ZNF44: variants seen among roughly 807,000 people sequenced by gnomAD.
ZNF44 encodes zinc finger protein 44.
In ZNF44, 9 loss-of-function variants were observed where a neutral mutation model predicts 11.7. That is an observed-to-expected ratio of 0.77 (90% confidence interval 0.46 to 1.35). The LOEUF is 1.35. Among genes scored for constraint, ZNF44 ranks in the 40% most tolerant of loss-of-function variants. The probability of loss-of-function intolerance (pLI) is 0.00; values close to 1 mark genes in which losing one functional copy is unlikely to be tolerated. For missense variants in ZNF44, 696 were observed against 743.1 expected, an observed-to-expected ratio of 0.94 and a Z score of 0.74; for synonymous variants, 224 against 242.7, an observed-to-expected ratio of 0.92 and a Z score of 0.72.
At position 12,273,345 on chromosome 19, in the gene ZNF44, T is replaced by C. The variant is rs781227500; in HGVS notation, c.910A>G (p.Thr304Ala). The C allele has an allele frequency of 6.2e-7, 1 of 1,613,684 alleles. No individual in the cohort carries two copies. The highest frequency in any genetic ancestry group is 8.5e-7 in the Non-Finnish European group (1 of 1,179,898). ...GSLRVHERIH[T>A]GEKPYTCKQC... Reference sequence around the variant, plus strand: ...TTACATGTATAGGGTTTCTCTCCAGTGTGAATTCTTTCATGTACTCGAAGG... The same window carrying C: ...TTACATGTATAGGGTTTCTCTCCAGCGTGAATTCTTTCATGTACTCGAAGG... The change falls in exon 4 of 4, where the codon ACT becomes GCT. Residue 304 changes from threonine to alanine, a missense_variant. Coordinates refer to ENST00000355684, the MANE Select transcript of ZNF44 (RefSeq NM_016264.4).
Position 12,247,670 on chromosome 19 carries a change from T to TTTC in ZNF44, c.*1192_*1194dup, listed in dbSNP as rs765227787. ...GGGCAGAACTGCAACAATAAAAGGCTTTCCCACATTCCTTACATTTGTAGG... is the reference window on the plus strand; with the variant it reads ...GGGCAGAACTGCAACAATAAAAGGCTTTCTTCCCACATTCCTTACATTTGTAGG... On this transcript the variant is annotated 3_prime_UTR_variant and NMD_transcript_variant, in exon 8 of 8. Transcript: ENST00000393337. 1.3e-5 allele frequency: 18 copies of TTTC among 1,352,916 alleles called. No homozygotes were observed. The South Asian group carries it at 2.0e-4, about 15-fold the overall frequency. The allele number at this position is 1,352,916 out of a possible 1,614,324, so 83.8% of individuals were successfully genotyped here. A position where few individuals can be genotyped will look rare whatever the true frequency, so the allele number is the denominator to read the frequency against.
At chr19:12,255,289 G>T (rs1379091580) in intron 5 of ZNF44, among the ~76,000 whole-genome samples, 2 of 151,468 alleles carry the variant, frequency 1.3e-5, no homozygotes, top group Admixed American at 6.6e-5. Flanking sequence ...CAAAAGAAAA[G>T]AAATTTTTTC....
At chr19:12,246,903 A>G (rs1249126946), downstream of ZNF44, among the ~76,000 whole-genome samples, 1 of 151,854 alleles carries the variant, frequency 6.6e-6, no homozygotes, top group Admixed American at 6.6e-5. Context: ...GTGGTGGCTC[A>G]TACCTATAAT....
chr19:12,290,654 C>T (rs552235927), intron 1 of ZNF44, among the ~76,000 whole-genome samples: 1 of 151,460 alleles, frequency 6.6e-6, no homozygotes, highest in East Asian at 1.9e-4. Context: ...GAGCTGAGAT[C>T]ACAGCATTTC....
chr19:12,250,233 C>T, intron 6 of ZNF44: 1 of 1,355,860 alleles, frequency 7.4e-7, no homozygotes, highest in African/African-American at 1.5e-5. Flanking sequence ...GGAATGATTT[C>T]ATTTTTACCT....
upstream of ZNF44, among the ~76,000 whole-genome samples, chr19:12,238,563 G>A (rs35948583): frequency 6.6e-6 from 1 of 150,532 alleles, no homozygotes; most frequent in African/African-American, 2.5e-5. Context: ...GGGAGACAGA[G>A]GTTGCAGTGA....
chr19:12,275,970 T>C lies in ZNF44; in HGVS notation c.116A>G (p.Asn39Ser), dbSNP rs754378707. The change falls in exon 2 of 4, where the codon AAC becomes AGC. Residue 39 changes from asparagine to serine, a missense_variant. Asn to Ser is a conservative substitution (Grantham distance 46, BLOSUM62 1). Transcript: ENST00000355684. Reference sequence around the variant, plus strand: ...GTCATCCATACCTATACAGTTCAGGTTCCTAATGGTTTCTCGCATCACATC... The same window carrying C: ...GTCATCCATACCTATACAGTTCAGGCTCCTAATGGTTTCTCGCATCACATC... Reference protein sequence around the residue: ...YRDVMRETIRNLNCIGMKWEN... With the variant: ...YRDVMRETIRSLNCIGMKWEN... 8 of 1,605,170 alleles carry C rather than the reference T, an allele frequency of 5.0e-6. No homozygotes were observed. The South Asian group carries it at 8.8e-5, about 18-fold the overall frequency.
intron 3 of ZNF44, among the ~76,000 whole-genome samples, chr19:12,227,282 C>T (rs1915959853): frequency 6.6e-6 from 1 of 152,002 alleles, no homozygotes; most frequent in East Asian, 1.9e-4. Flanking sequence ...CAAAACAAGA[C>T]AACAATTGTT....
At position 12,229,176 on chromosome 19, in the gene ZNF44, CAGA is replaced by C. The variant is rs556137795; in HGVS notation, n.436+1281_436+1283del. On this transcript the variant is annotated intron_variant and non_coding_transcript_variant, in intron 3 of 3. Coordinates refer to the ZNF44 transcript ENST00000597563. ...ACACATATATAACCACACAGACAAC[CAGA>C]AGAAGATTCAGTAGTTACAATATTT... 7.0e-4 allele frequency among the ~76,000 whole-genome samples: 106 copies of C among 152,210 alleles called. 1 individual carries two copies. Among genetic ancestry groups the C allele is most frequent in the Middle Eastern group, 3.4e-3 (1 of 294 alleles).
chr19:12,286,494 C>T (rs1391717499), intron 1 of ZNF44, among the ~76,000 whole-genome samples: 9 of 151,796 alleles, frequency 5.9e-5, no homozygotes, highest in African/African-American at 1.7e-4. Flanking sequence ...ATTAGCCGGG[C>T]GTGGTGGCGG....
rs551512896 is a variant in ZNF44, at chr19:12,227,691, A to G, written n.437-1164T>C. 2.0e-5 allele frequency among the ~76,000 whole-genome samples: 3 copies of G among 152,386 alleles called. 1 individual carries two copies. The highest frequency in any genetic ancestry group is 4.8e-5 in the African/African-American group (2 of 41,598). ...CTTTGTGGCACACAATAATTTTAAC[A>G]TAACAATTATAATTATTACTTATAA... On this transcript the variant is annotated intron_variant and non_coding_transcript_variant, in intron 3 of 3. Coordinates refer to the ZNF44 transcript ENST00000597563.
chr19:12,257,622 C>CTAAAAATATAAAAAT (rs61120027), intron 5 of ZNF44, among the ~76,000 whole-genome samples: 25,516 of 146,702 alleles, frequency 0.17, 2,482 homozygotes, highest in East Asian at 0.26. Context: ...TCCGTCTCTA[C>CTAAAAATATAAAAAT]TAAAAATATA....
At chr19:12,276,924 TC>T (rs1156759126) in intron 1 of ZNF44, among the ~76,000 whole-genome samples, 1 of 152,152 alleles carries the variant, frequency 6.6e-6, no homozygotes, top group Non-Finnish European at 1.5e-5. Flanking sequence ...ACCCAGGGAC[TC>T]TACAGAGTCC....
chr19:12,290,474 C>T (rs935773697), intron 1 of ZNF44, among the ~76,000 whole-genome samples: 3 of 150,110 alleles, frequency 2.0e-5, no homozygotes, highest in Non-Finnish European at 2.9e-5. Context: ...AGGCCAAGGC[C>T]GGTGGATCAC....
chr19:12,267,007 C>T (rs916243236), downstream of ZNF44, among the ~76,000 whole-genome samples: 7 of 151,408 alleles, frequency 4.6e-5, no homozygotes, highest in Non-Finnish European at 7.4e-5. Flanking sequence ...GGCTTCCTCA[C>T]ACCTTATCCC....
At chr19:12,255,799 G>A (rs1357415498) in intron 5 of ZNF44, among the ~76,000 whole-genome samples, 3 of 152,068 alleles carry the variant, frequency 2.0e-5, no homozygotes, top group African/African-American at 4.8e-5. Flanking sequence ...CAGCACTTCG[G>A]GAGTCCAAGG....
intron 5 of ZNF44, chr19:12,260,087 C>T (rs1917438456): frequency 1.7e-6 from 1 of 595,050 alleles, no homozygotes; most frequent in Non-Finnish European, 3.2e-6. Flanking sequence ...ACTATAAATA[C>T]ACAGGTCTCA....
Position 12,250,219 on chromosome 19 carries a change from T to C in ZNF44, c.*125+23A>G, listed in dbSNP as rs780415024. On this transcript the variant is annotated intron_variant and NMD_transcript_variant, in intron 6 of 7. Coordinates refer to the ZNF44 transcript ENST00000393337. Reference sequence around the variant, plus strand: ...GTATTCTCTAATTCATTCAACAACATGATGGAATGATTTCATTTTTACCTA... The same window carrying C: ...GTATTCTCTAATTCATTCAACAACACGATGGAATGATTTCATTTTTACCTA... 26 of 1,348,676 alleles carry C rather than the reference T, an allele frequency of 1.9e-5. No homozygotes were observed. In the South Asian group the frequency reaches 2.0e-4, roughly 10 times the overall value. 83.5% of individuals were successfully genotyped at this position (1,348,676 alleles called of 1,614,324 possible).
chr19:12,254,621 G>T (rs985625155), intron 5 of ZNF44, among the ~76,000 whole-genome samples: 1 of 152,138 alleles, frequency 6.6e-6, no homozygotes, highest in African/African-American at 2.4e-5. Context: ...TGTAATCTCA[G>T]CTACTTGGGA....
Sources: allele counts gnomAD v4.1 joint callset (sites outside exome capture counted in the v4.1 genomes callset), GRCh38; gene constraint gnomAD v4.1.1; transcripts MANE v1.5; gene names NCBI Gene and HGNC (gene_info 2026-07-23, HGNC 2026-07-21).